UGT8: variants seen among roughly 807,000 people sequenced by gnomAD.
UGT8 encodes 2-hydroxyacylsphingosine 1-beta-galactosyltransferase.
A neutral mutation model predicts 40.5 loss-of-function variants in UGT8; 12 were observed. That is an observed-to-expected ratio of 0.30 (90% CI 0.19 to 0.48). The LOEUF (loss-of-function observed/expected upper bound fraction) is 0.48. UGT8 is among the 20% of genes least tolerant of loss of function. The pLI is 0.99. For synonymous variants in UGT8, 224 were observed against 240.4 expected, an observed-to-expected ratio of 0.93 and a Z score of 0.63; for missense variants, 513 against 648.7, an observed-to-expected ratio of 0.79 and a Z score of 2.27.
chr4:114,620,971 T>C (rs541613086), intron 1 of UGT8, among the ~76,000 whole-genome samples: 1 of 152,316 alleles, frequency 6.6e-6, no homozygotes, highest in Non-Finnish European at 1.5e-5. Context: ...TTTTGAAATG[T>C]GTCCAGTTTG....
chr4:114,638,478 GCTCAT>G (rs565086913), intron 2 of UGT8, among the ~76,000 whole-genome samples: 46 of 152,308 alleles, frequency 3.0e-4, no homozygotes, highest in African/African-American at 1.1e-3. Context: ...AGTAACTAAA[GCTCAT>G]TAACAGACGA....
Position 114,676,361 on chromosome 4 carries a change from C to T in UGT8, c.*73C>T. 1 of 1,277,548 alleles carries T rather than the reference C, an allele frequency of 7.8e-7. No homozygotes were observed. Among genetic ancestry groups the T allele is most frequent in the Non-Finnish European group, 1.1e-6 (1 of 927,814 alleles). 79.1% of individuals were successfully genotyped at this position (1,277,548 alleles called of 1,614,324 possible). The stretch of plus-strand genomic sequence containing the variant: ...TTATTGCTATTATTTAGTCTAACAG[C>T]TACTAAAAGTAAAACATCAGTAAAC... On this transcript the variant is annotated 3_prime_UTR_variant, in exon 6 of 6. Coordinates refer to ENST00000310836, the MANE Select transcript of UGT8 (RefSeq NM_001128174.3).
chr4:114,661,002 T>C (rs72677944), intron 2 of UGT8, among the ~76,000 whole-genome samples: 4,217 of 152,280 alleles, frequency 0.028, 89 homozygotes, highest in Non-Finnish European at 0.045. Flanking sequence ...TAGCTGATTG[T>C]CTCTGTCATC....
At chr4:114,611,455 C>CAG (rs1281062841) in intron 1 of UGT8, among the ~76,000 whole-genome samples, 33 of 129,918 alleles carry the variant, frequency 2.5e-4, no homozygotes, top group African/African-American at 8.0e-4. Flanking sequence ...TACACACACA[C>CAG]ACAGAGATAT....
At chr4:114,648,371 G>T (rs111900537) in intron 2 of UGT8, among the ~76,000 whole-genome samples, 1 of 125,718 alleles carries the variant, frequency 8.0e-6, no homozygotes, top group African/African-American at 2.9e-5. Context: ...AGAAAATCTG[G>T]TTTTTTTTTT....
intron 2 of UGT8, among the ~76,000 whole-genome samples, chr4:114,633,076 A>G (rs1732674338): frequency 6.6e-6 from 1 of 152,146 alleles, no homozygotes; most frequent in East Asian, 1.9e-4. Context: ...TTTCACATGT[A>G]TAACATTGAA....
At chr4:114,659,142 C>G (rs946341689) in intron 2 of UGT8, among the ~76,000 whole-genome samples, 2 of 152,090 alleles carry the variant, frequency 1.3e-5, no homozygotes, top group Non-Finnish European at 2.9e-5. Flanking sequence ...ATCCGGATCA[C>G]GATCATTAAA....
In UGT8 at chr4:114,623,012, C is replaced by A. The variant is rs865995367; in HGVS notation, c.132C>A (p.Ala44=). The A allele has an allele frequency of 5.6e-6, 9 of 1,614,106 alleles. No homozygotes were observed. The highest frequency in any genetic ancestry group is 6.8e-6 in the Non-Finnish European group (8 of 1,180,010). The change falls in exon 2 of 6, where the codon GCC becomes GCA. Residue 44 remains alanine, a synonymous_variant. Coordinates refer to ENST00000310836, the MANE Select transcript of UGT8 (RefSeq NM_001128174.3). ...ACATTTTCAAGACGCTAGCCTCAGCCTTGCACGAGAGAGGCCACCATACAG... is the reference window on the plus strand; with the variant it reads ...ACATTTTCAAGACGCTAGCCTCAGCATTGCACGAGAGAGGCCACCATACAG... The part of the protein sequence containing the change: ...HMYIFKTLAS[A]LHERGHHTVF...
chr4:114,600,729 A>G (rs1259647647), intron 1 of UGT8, among the ~76,000 whole-genome samples: 1 of 152,118 alleles, frequency 6.6e-6, no homozygotes, highest in Non-Finnish European at 1.5e-5. Context: ...TTAATATTAT[A>G]TGGTAAAGGA....
chr4:114,677,138 C>T lies in UGT8; in HGVS notation c.*850C>T, dbSNP rs1365000144. The T allele has an allele frequency of 2.6e-5, 4 of 152,092 alleles. No individual in the cohort carries two copies. The highest frequency in any genetic ancestry group is 4.4e-5 in the Non-Finnish European group (3 of 68,010). 9.4% of individuals were successfully genotyped at this position (152,092 alleles called of 1,614,324 possible). On this transcript the variant is annotated 3_prime_UTR_variant, in exon 6 of 6. Transcript: ENST00000310836. ...TTAAGACAAAGCAATGAAATTCTGACTTTATTCAAAGTACTGAAGATTATT... is the reference window on the plus strand; with the variant it reads ...TTAAGACAAAGCAATGAAATTCTGATTTTATTCAAAGTACTGAAGATTATT...
intron 2 of UGT8, among the ~76,000 whole-genome samples, chr4:114,650,587 T>C (rs922320121): frequency 6.6e-6 from 1 of 152,210 alleles, no homozygotes; most frequent in Non-Finnish European, 1.5e-5. Context: ...TTTTATGAGA[T>C]ACTTAGTCCA....
Position 114,664,042 on chromosome 4 carries a change from G to A in UGT8, c.870G>A (p.Leu290=). ...VNGANEHGFV[L]VSFGAGVKYL... ...GTGCTAATGAACATGGCTTTGTCTT[G>A]GTGTCTTTTGGAGCTGGTGTCAAGT... Residue 290 remains leucine, a synonymous_variant, in exon 3 of 6, where the codon TTG becomes TTA. Transcript: ENST00000310836. 3.1e-6 allele frequency: 5 copies of A among 1,613,904 alleles called. No individual in the cohort carries two copies. Among genetic ancestry groups the A allele is most frequent in the Non-Finnish European group, 4.2e-6 (5 of 1,179,922 alleles).
intron 2 of UGT8, among the ~76,000 whole-genome samples, chr4:114,635,960 CA>C (rs906464948): frequency 6.6e-6 from 1 of 152,026 alleles, no homozygotes; most frequent in African/African-American, 2.4e-5. Context: ...CATATGAATA[CA>C]AAAAAGCTCA....
intron 5 of UGT8, among the ~76,000 whole-genome samples, chr4:114,672,537 G>T (rs1735359075): frequency 1.3e-5 from 2 of 152,148 alleles, no homozygotes; most frequent in Non-Finnish European, 2.9e-5. Flanking sequence ...GAAGCTGGAA[G>T]CCATCATCCT....
chr4:114,647,951 C>T (rs2126119381), intron 2 of UGT8, among the ~76,000 whole-genome samples: 2 of 152,276 alleles, frequency 1.3e-5, no homozygotes, highest in Middle Eastern at 3.4e-3. Flanking sequence ...TATTCCAATT[C>T]ATGGACAATG....
At chr4:114,651,538 CTGA>C (rs1399447930) in intron 2 of UGT8, among the ~76,000 whole-genome samples, 1 of 152,080 alleles carries the variant, frequency 6.6e-6, no homozygotes, top group African/African-American at 2.4e-5. Flanking sequence ...CTGAAATACA[CTGA>C]TAAGGGTTTT....
At position 114,678,164 on chromosome 4, in the gene UGT8, T is replaced by C. The variant is rs1296968013; in HGVS notation, c.*1876T>C. The C allele has an allele frequency of 6.6e-6, 1 of 152,194 alleles. No homozygotes were observed. Among genetic ancestry groups the C allele is most frequent in the African/African-American group, 2.4e-5 (1 of 41,452 alleles). The allele number at this position is 152,194 out of a possible 1,614,324, so 9.4% of individuals were successfully genotyped here. ...TTGACAGTAGGCACTGATTGGATGA[T>C]TAAACATAAGTTAATCTCCACTGTG... On this transcript the variant is annotated 3_prime_UTR_variant, in exon 6 of 6. Transcript: ENST00000310836.
chr4:114,627,157 A>G lies in UGT8; in HGVS notation c.822+3455A>G, dbSNP rs1054910866. Among the ~76,000 whole-genome samples the G allele has an allele frequency of 2.6e-5, 4 of 152,162 alleles. No homozygotes were observed. In the East Asian group the frequency reaches 5.8e-4, roughly 22 times the overall value. On this transcript the variant is annotated intron_variant, in intron 2 of 5. Coordinates refer to ENST00000310836, the MANE Select transcript of UGT8 (RefSeq NM_001128174.3). Reference sequence around the variant, plus strand: ...ATTCATATAGTGGTTTACCTACTCTATCATTGCAGGCCAGTAGAGAACATG... The same window carrying G: ...ATTCATATAGTGGTTTACCTACTCTGTCATTGCAGGCCAGTAGAGAACATG...
intron 2 of UGT8, among the ~76,000 whole-genome samples, chr4:114,643,962 A>T (rs1053937794): frequency 2.0e-5 from 3 of 152,028 alleles, no homozygotes; most frequent in African/African-American, 7.2e-5. Context: ...AATTGCTGTG[A>T]CCTCGCGTGT....
Sources: allele counts gnomAD v4.1 joint callset (sites outside exome capture counted in the v4.1 genomes callset), GRCh38; gene constraint gnomAD v4.1.1; transcripts MANE v1.5; gene names NCBI Gene and HGNC (gene_info 2026-07-23, HGNC 2026-07-21).